The following NRXN3 variants were observed in gnomAD, a reference collection of about 807,000 sequenced individuals.
The protein encoded by NRXN3 is neurexin III.
NRXN3 carries 32 observed loss-of-function variants against 137.6 expected under a neutral mutation model. The observed-to-expected ratio is 0.23, with a 90% CI of 0.18 to 0.31. The LOEUF (loss-of-function observed/expected upper bound fraction) is 0.31. Among genes scored for constraint, NRXN3 ranks in the 10% least tolerant of loss-of-function variants. NRXN3 has a pLI of 1.00. For missense variants in NRXN3, 1,574 were observed against 2,062.5 expected (o/e 0.76, Z 4.59); for synonymous variants, 798 against 784.5 (o/e 1.02, Z -0.29).
intron 4 of NRXN3, among the ~76,000 whole-genome samples, chr14:78,437,443 G>T (rs1187808446): frequency 6.6e-6 from 1 of 151,908 alleles, no homozygotes; most frequent in Non-Finnish European, 1.5e-5. Context: ...CTGCCTCCTG[G>T]GTTCAAGTGA....
At chr14:78,670,442 T>C (rs1249568974) in intron 6 of NRXN3, among the ~76,000 whole-genome samples, 2 of 152,200 alleles carry the variant, frequency 1.3e-5, no homozygotes, top group African/African-American at 4.8e-5. Flanking sequence ...GCCAACCTCC[T>C]TTCTCATCCT....
chr14:78,661,959 G>C (rs552105902), intron 6 of NRXN3, among the ~76,000 whole-genome samples: 1 of 149,672 alleles, frequency 6.7e-6, no homozygotes, highest in South Asian at 2.1e-4. Flanking sequence ...GTGCAATCTC[G>C]GCTCACTGCA....
intron 4 of NRXN3, among the ~76,000 whole-genome samples, chr14:78,371,378 C>G (rs192143476): frequency 3.9e-5 from 6 of 152,232 alleles, no homozygotes; most frequent in African/African-American, 1.2e-4. Context: ...TGCTCCATCC[C>G]CCTTCCACCT....
intron 4 of NRXN3, among the ~76,000 whole-genome samples, chr14:78,628,714 A>G (rs765212558): frequency 3.3e-5 from 5 of 152,214 alleles, no homozygotes; most frequent in Non-Finnish European, 7.3e-5. Context: ...CTGTCTTGCC[A>G]TAGAAAAGGG....
intron 16 of NRXN3, among the ~76,000 whole-genome samples, chr14:79,654,542 C>CTT (rs1227093528): frequency 6.6e-6 from 1 of 152,078 alleles, no homozygotes; most frequent in Non-Finnish European, 1.5e-5. Context: ...CCCAATAAAA[C>CTT]TTTATTTATA....
chr14:78,862,267 GATAA>G (rs756618859), intron 10 of NRXN3, among the ~76,000 whole-genome samples: 1,723 of 151,848 alleles, frequency 0.011, 11 homozygotes, highest in Non-Finnish European at 0.013. Context: ...TAGATAGATA[GATAA>G]ATAGATAGAT....
At chr14:79,610,222 A>G (rs1235916983) in intron 16 of NRXN3, among the ~76,000 whole-genome samples, 1 of 152,158 alleles carries the variant, frequency 6.6e-6, no homozygotes, top group Non-Finnish European at 1.5e-5. Flanking sequence ...AATAAAGAAA[A>G]AACAAAGCAG....
At chr14:78,246,856 C>G (rs1007480467) in intron 2 of NRXN3, among the ~76,000 whole-genome samples, 1 of 152,202 alleles carries the variant, frequency 6.6e-6, no homozygotes, top group Non-Finnish European at 1.5e-5. Context: ...TGCATCCATT[C>G]TCCCCACCCA....
At chr14:79,063,370 G>A in intron 15 of NRXN3, among the ~76,000 whole-genome samples, 1 of 152,056 alleles carries the variant, frequency 6.6e-6, no homozygotes, top group East Asian at 1.9e-4. Flanking sequence ...TGCAACCTCT[G>A]CCTCCCGGGT....
rs1053380212 is a variant in NRXN3, at chr14:79,626,879, G to T, written c.3445-36899G>T. Among the ~76,000 whole-genome samples the T allele has an allele frequency of 6.6e-5, 10 of 152,016 alleles. 1 individual carries two copies. The highest frequency in any genetic ancestry group is 5.9e-5 in the Non-Finnish European group (4 of 68,020). ...TTACATAGAAATAAATAAAGAAAGG[G>T]GAACCAATACAAAGTGTTAGAAAGA... On this transcript the variant is annotated intron_variant, in intron 16 of 20. Coordinates refer to ENST00000335750, the MANE Select transcript of NRXN3 (RefSeq NM_001330195.2).
chr14:79,487,473 A>T (rs2096668159), intron 16 of NRXN3, among the ~76,000 whole-genome samples: 1 of 152,154 alleles, frequency 6.6e-6, no homozygotes, highest in South Asian at 2.1e-4. Flanking sequence ...AGTGTCTCGT[A>T]TCAAACTGCA....
intron 15 of NRXN3, among the ~76,000 whole-genome samples, chr14:79,332,435 A>C (rs568213839): frequency 6.6e-6 from 1 of 152,220 alleles, no homozygotes; most frequent in East Asian, 1.9e-4. Flanking sequence ...TGCGCTGTCG[A>C]GCTTACGCAC....
intron 8 of NRXN3, among the ~76,000 whole-genome samples, chr14:78,757,843 A>T (rs549685042): frequency 6.6e-6 from 1 of 152,330 alleles, no homozygotes; most frequent in Non-Finnish European, 1.5e-5. Flanking sequence ...GGTGAAGGGC[A>T]TATGGGAGCT....
intron 14 of NRXN3, among the ~76,000 whole-genome samples, chr14:78,987,019 C>CAAAAAA (rs36081362): frequency 1.8e-5 from 1 of 54,106 alleles, no homozygotes; most frequent in Non-Finnish European, 4.2e-5. Flanking sequence ...GAGACTGTCT[C>CAAAAAA]AAAAAAAAAA....
intron 8 of NRXN3, among the ~76,000 whole-genome samples, chr14:78,755,787 A>G (rs2098665474): frequency 2.0e-5 from 3 of 152,226 alleles, no homozygotes; most frequent in Admixed American, 6.5e-5. Flanking sequence ...CAAGTATACT[A>G]TAGCTGATCT....
chr14:78,775,188 C>T (rs2098741001), intron 8 of NRXN3, among the ~76,000 whole-genome samples: 1 of 152,210 alleles, frequency 6.6e-6, no homozygotes, highest in Non-Finnish European at 1.5e-5. Context: ...GAGAAATGCA[C>T]AGAAGTAAAA....
intron 10 of NRXN3, among the ~76,000 whole-genome samples, chr14:78,908,520 T>G (rs558104731): frequency 2.0e-5 from 3 of 152,080 alleles, no homozygotes; most frequent in Admixed American, 6.6e-5. Flanking sequence ...TTATAATTTT[T>G]CTTTCAGAAT....
chr14:78,297,890 C>T, intron 4 of NRXN3, 30 bp downstream of exon 4: 1 of 1,535,992 alleles, frequency 6.5e-7, no homozygotes, highest in Non-Finnish European at 8.7e-7. Context: ...GGTCCTGCAG[C>T]TGCCTGAACT....
At chr14:78,988,256 C>G (rs767824313) in intron 15 of NRXN3, 115 bp downstream of exon 15, 1 of 1,305,994 alleles carries the variant, frequency 7.7e-7, no homozygotes, top group East Asian at 2.3e-5. Context: ...AAGTAATTCT[C>G]TCCTCCAGAA....
Sources: allele counts gnomAD v4.1 joint callset (sites outside exome capture counted in the v4.1 genomes callset), GRCh38; gene constraint gnomAD v4.1.1; transcripts MANE v1.5; gene names NCBI Gene and HGNC (gene_info 2026-07-23, HGNC 2026-07-21).